MRPL27: variants seen among roughly 807,000 people sequenced by gnomAD.
The protein encoded by MRPL27 is mitochondrial ribosomal protein L27.
Under a neutral mutation model 14.6 loss-of-function variants are expected in MRPL27, and 4 were observed. That is an observed-to-expected ratio of 0.27 (90% CI 0.14 to 0.63). The LOEUF (loss-of-function observed/expected upper bound fraction) is 0.63. Among genes scored for constraint, MRPL27 ranks in the 20% least tolerant of loss-of-function variants. The pLI is 0.85. For missense variants in MRPL27, 196 were observed against 192.8 expected (o/e 1.02, Z -0.10); for synonymous variants, 82 against 75.5 (o/e 1.09, Z -0.45).
intron 2 of MRPL27, 165 bp from the exon 3 acceptor site, chr17:50,370,264 C>T: frequency 8.7e-7 from 1 of 1,150,448 alleles, no homozygotes; most frequent in East Asian, 2.4e-5. Context: ...GCTCTTGTCT[C>T]TAATTGCATG....
Position 50,370,048 on chromosome 17 carries a change from C to G in MRPL27, c.224G>C (p.Trp75Ser), listed in dbSNP as rs760523153. The stretch of plus-strand genomic sequence containing the variant: ...GCAACTCACATGGGCACCTGGGTGC[C>G]AGCGGAAATGGCGCTGTGTTGCAAT... Reference protein sequence around the residue: ...NIIATQRHFRWHPGAHVGVGK... With the variant: ...NIIATQRHFRSHPGAHVGVGK... Residue 75 changes from tryptophan to serine, a missense_variant, in exon 3 of 4, where the codon TGG (tryptophan) becomes TCG (serine). Trp to Ser is a radical substitution (Grantham distance 177). Transcript: ENST00000225969. The G allele has an allele frequency of 6.2e-7, 1 of 1,613,814 alleles. No homozygotes were observed. The highest frequency in any genetic ancestry group is 8.5e-7 in the Non-Finnish European group (1 of 1,179,936).
rs761349230 is a variant in MRPL27, at chr17:50,368,246, C to T, written c.293G>A (p.Arg98His). 14 of 1,614,082 alleles carry T rather than the reference C, an allele frequency of 8.7e-6. No individual in the cohort carries two copies. Among genetic ancestry groups the T allele is most frequent in the Admixed American group, 8.3e-5 (5 of 60,004 alleles). ...CLYALEEGIV[R>H]YTKEVYVPHP... ...AGGCACGTAGACCTCCTTAGTGTAG[C>T]GGACTATCCCCTCTTCCAGGGCATA... Residue 98 changes from arginine (R) to histidine (H), a missense_variant, in exon 4 of 4, where the codon CGC (arginine) becomes CAC (histidine). By Grantham distance (29) the Arg-to-His change is conservative. Coordinates refer to ENST00000225969, the MANE Select transcript of MRPL27 (RefSeq NM_016504.3).
intron 1 of MRPL27, 105 bp downstream of exon 1, chr17:50,373,026 G>A (rs1913231279): frequency 6.7e-7 from 1 of 1,500,496 alleles, no homozygotes; most frequent in Non-Finnish European, 9.1e-7. Flanking sequence ...ACTTCCCCTC[G>A]CATCCAAGGT....
chr17:50,371,914 C>G (rs1342617841), intron 1 of MRPL27, among the ~76,000 whole-genome samples: 2 of 152,174 alleles, frequency 1.3e-5, no homozygotes, highest in Non-Finnish European at 2.9e-5. Flanking sequence ...ATGGTACCAC[C>G]ATTCATCCAG....
chr17:50,370,133 T>A (rs375754972), intron 2 of MRPL27, 34 bp from the exon 3 acceptor site: 2 of 1,577,122 alleles, frequency 1.3e-6, no homozygotes, highest in African/African-American at 2.7e-5. Context: ...TGGGGCAGCA[T>A]AGCAAACTAC....
At chr17:50,373,106 C>A (rs750930134) in intron 1 of MRPL27, 25 bp downstream of exon 1, 1 of 1,614,008 alleles carries the variant, frequency 6.2e-7, no homozygotes, top group Non-Finnish European at 8.5e-7. Flanking sequence ...CGCCTCACCC[C>A]GCTCTGACTA....
chr17:50,369,123 T>C (rs1208401325), intron 3 of MRPL27: 3 of 482,632 alleles, frequency 6.2e-6, no homozygotes, highest in African/African-American at 4.0e-5. Flanking sequence ...CTCTATTTTT[T>C]CGTCTGTCAA....
intron 1 of MRPL27, among the ~76,000 whole-genome samples, chr17:50,372,173 T>C (rs1268390595): frequency 1.3e-5 from 2 of 151,472 alleles, no homozygotes; most frequent in Non-Finnish European, 2.9e-5. Context: ...ATAGTTTGCT[T>C]CTCAAAATGT....
chr17:50,370,388 T>C lies in MRPL27; in HGVS notation c.172+67A>G. 3 of 1,608,858 alleles carry C rather than the reference T, an allele frequency of 1.9e-6. No homozygotes were observed. In the South Asian group the frequency reaches 3.3e-5, roughly 18 times the overall value. On this transcript the variant is annotated intron_variant, in intron 2 of 3. Transcript: ENST00000225969. ...ACAGGGCCAGGCACACGCAGGGTTCTTCTGCTCTCCTAAGGAACATGAGGA... is the reference window on the plus strand; with the variant it reads ...ACAGGGCCAGGCACACGCAGGGTTCCTCTGCTCTCCTAAGGAACATGAGGA...
At chr17:50,372,257 G>T (rs576135277) in intron 1 of MRPL27, among the ~76,000 whole-genome samples, 2 of 137,226 alleles carry the variant, frequency 1.5e-5, no homozygotes, top group East Asian at 2.0e-4. Context: ...TTTTTTTTTG[G>T]GGGGGGGGGA....
rs1296803313 is a variant in MRPL27 at position 50,368,181 on chromosome 17, G to A, written c.358C>T (p.Leu120=). Residue 120 remains leucine (L), a synonymous_variant, in exon 4 of 4, where the codon CTG becomes TTG. Coordinates refer to ENST00000225969, the MANE Select transcript of MRPL27 (RefSeq NM_016504.3). ...NTEAVDLITR[L]PKGAVLYKTF... is the part of the protein sequence containing the mutation. ...TTGTAGAGCACAGCACCCTTGGGCA[G>A]CCTGGTGATCAGATCCACAGCCTCC... is the stretch of plus-strand genomic sequence containing the variant. 6.2e-7 allele frequency: 1 copy of A among 1,614,224 alleles called. No homozygotes were observed. The highest frequency in any genetic ancestry group is 2.2e-5 in the East Asian group (1 of 44,892).
Position 50,368,296 on chromosome 17 carries a change from C to T in MRPL27, c.243G>A (p.Val81=), listed in dbSNP as rs752597675. The T allele has an allele frequency of 1.2e-6, 2 of 1,605,366 alleles. No individual in the cohort carries two copies. Among genetic ancestry groups the T allele is most frequent in the South Asian group, 1.1e-5 (1 of 90,848 alleles). Residue 81 remains valine, a splice_region_variant and synonymous_variant, in exon 4 of 4, where the codon GTG becomes GTA. Coordinates refer to ENST00000225969, the MANE Select transcript of MRPL27 (RefSeq NM_016504.3). ...ACAGACATTTATTCTTCCCAACACCCACCTGCAACACACAGACCTGGTCAG... is the reference window on the plus strand; with the variant it reads ...ACAGACATTTATTCTTCCCAACACCTACCTGCAACACACAGACCTGGTCAG... ...RHFRWHPGAH[V]GVGKNKCLYA... is the part of the protein sequence containing the mutation.
chr17:50,371,248 G>C (rs1913123758), intron 1 of MRPL27: 1 of 152,306 alleles, frequency 6.6e-6, no homozygotes, highest in African/African-American at 2.4e-5. Context: ...AAAGTGTTGG[G>C]ATTACAGGCC....
chr17:50,372,764 C>A lies in MRPL27; in HGVS notation c.40+367G>T, dbSNP rs115193393. ...TTCTGCTGATTTTCCGAACACCTAC[C>A]GCCGTGTCTAGCACAAAGTAAGACC... On this transcript the variant is annotated intron_variant, in intron 1 of 3. Transcript: ENST00000225969. The A allele has an allele frequency of 6.4e-4, 180 of 283,424 alleles. 1 individual carries two copies. Among genetic ancestry groups the A allele is most frequent in the African/African-American group, 3.7e-3 (167 of 45,360 alleles). The allele number at this position is 283,424 out of a possible 1,614,324, so 17.6% of individuals were successfully genotyped here.
chr17:50,367,960 G>A lies in MRPL27; in HGVS notation c.*132C>T. On this transcript the variant is annotated 3_prime_UTR_variant, in exon 4 of 4. Transcript: ENST00000225969. ...AGGGTTTCCCAGCAGTCACTTCAGA[G>A]TCTCCTGCAGAGTCACCATCAAGCA... 2.1e-6 allele frequency: 2 copies of A among 971,686 alleles called. No individual in the cohort carries two copies. The highest frequency in any genetic ancestry group is 3.1e-6 in the Non-Finnish European group (2 of 654,808). The allele number at this position is 971,686 out of a possible 1,614,324, so 60.2% of individuals were successfully genotyped here. A position where few individuals can be genotyped will look rare whatever the true frequency, so the allele number is the denominator to read the frequency against.
At chr17:50,370,288 C>G in intron 2 of MRPL27, 167 bp downstream of exon 2, 1 of 1,225,386 alleles carries the variant, frequency 8.2e-7, no homozygotes, top group Non-Finnish European at 1.2e-6. Flanking sequence ...ATGGCTCACA[C>G]CCACCCACTC....
intron 1 of MRPL27, among the ~76,000 whole-genome samples, chr17:50,372,227 T>C (rs1327618579): frequency 6.8e-6 from 1 of 145,990 alleles, no homozygotes. Flanking sequence ...TCTACACAGG[T>C]CTAGGTCTCC....
intron 2 of MRPL27, 163 bp downstream of exon 2, chr17:50,370,292 C>T: frequency 8.0e-7 from 1 of 1,246,904 alleles, no homozygotes; most frequent in Non-Finnish European, 1.1e-6. Flanking sequence ...CTCACACCCA[C>T]CCACTCGATG....
rs189574209 is a variant in MRPL27 at position 50,371,547 on chromosome 17, T to C, written c.41-961A>G. Among the ~76,000 whole-genome samples, 322 of 152,308 alleles carry C rather than the reference T, an allele frequency of 2.1e-3. 1 individual carries two copies. Among genetic ancestry groups the C allele is most frequent in the Non-Finnish European group, 3.8e-3 (256 of 68,026 alleles). On this transcript the variant is annotated intron_variant, in intron 1 of 3. Coordinates refer to ENST00000225969, the MANE Select transcript of MRPL27 (RefSeq NM_016504.3). ...GTAGTCCCTTGCTGTATGACAAGCCTAGGGGTGCAACTCCTTGCCTGCAGG... is the reference window on the plus strand; with the variant it reads ...GTAGTCCCTTGCTGTATGACAAGCCCAGGGGTGCAACTCCTTGCCTGCAGG...
Sources: gnomAD v4.1 joint callset for allele counts (sites outside exome capture counted in the v4.1 genomes callset) on GRCh38, gnomAD v4.1.1 for gene constraint, MANE v1.5 for transcripts, NCBI Gene and HGNC (gene_info 2026-07-23, HGNC 2026-07-21) for gene names.